CATSPERT: variants seen among roughly 807,000 people sequenced by gnomAD.
The protein encoded by CATSPERT is catsper channel auxiliary subunit tau.
the CATSPERT span, among the ~76,000 whole-genome samples, chr2:201,573,289 C>A: frequency 7.4e-4 from 112 of 152,270 alleles, no homozygotes; most frequent in Non-Finnish European, 1.5e-3. Flanking sequence ...AGGAGGAAGT[C>A]AAAATTAGGA....
chr2:201,609,223 A>G, the CATSPERT span, among the ~76,000 whole-genome samples: 2 of 152,188 alleles, frequency 1.3e-5, no homozygotes, highest in African/African-American at 4.8e-5. Flanking sequence ...GGAAGGATAG[A>G]CTCCAATACA....
chr2:201,488,206 GCTAGAAAC>G, the CATSPERT span, among the ~76,000 whole-genome samples: 1 of 152,304 alleles, frequency 6.6e-6, no homozygotes, highest in South Asian at 2.1e-4. Context: ...TTGAAGATAA[GCTAGAAAC>G]CTGAAAAACT....
chr2:201,603,390 CTCATTTGAAATATT>C, the CATSPERT span: 6 of 809,456 alleles, frequency 7.4e-6, no homozygotes, highest in Non-Finnish European at 1.1e-5. Flanking sequence ...GTTGGTTTTT[CTCATTTGAAATATT>C]GTTTCTCATG....
the CATSPERT span, among the ~76,000 whole-genome samples, chr2:201,615,078 G>A: frequency 6.6e-6 from 1 of 152,256 alleles, no homozygotes; most frequent in Non-Finnish European, 1.5e-5. Flanking sequence ...GACCTACAAA[G>A]AGACTTAGAC....
the CATSPERT span, chr2:201,536,283 G>A: frequency 1.2e-6 from 2 of 1,611,486 alleles, no homozygotes; most frequent in Non-Finnish European, 1.7e-6. Context: ...GTTCAAAGTT[G>A]GTATAGTCAG....
At chr2:201,504,732 G>A in the CATSPERT span, among the ~76,000 whole-genome samples, 2 of 152,166 alleles carry the variant, frequency 1.3e-5, no homozygotes, top group African/African-American at 2.4e-5. Flanking sequence ...GTGGTGGTAT[G>A]CAAAATTTGC....
At chr2:201,589,111 C>CA in the CATSPERT span, among the ~76,000 whole-genome samples, 712 of 151,922 alleles carry the variant, frequency 4.7e-3, 6 homozygotes, top group African/African-American at 0.016. Context: ...AGGGATGACA[C>CA]AACAAATGGT....
the CATSPERT span, among the ~76,000 whole-genome samples, chr2:201,570,194 A>T: frequency 6.6e-6 from 1 of 152,076 alleles, no homozygotes; most frequent in Non-Finnish European, 1.5e-5. Flanking sequence ...AAATAAAAAT[A>T]ATCTCTGTTT....
chr2:201,562,404 GTC>G, the CATSPERT span, among the ~76,000 whole-genome samples: 1 of 150,454 alleles, frequency 6.6e-6, no homozygotes, highest in East Asian at 2.0e-4. Context: ...AACCAGGATG[GTC>G]TCAATCTCCT....
At chr2:201,576,418 C>T in the CATSPERT span, among the ~76,000 whole-genome samples, 1 of 152,188 alleles carries the variant, frequency 6.6e-6, no homozygotes, top group African/African-American at 2.4e-5. Context: ...AAGAACTTGA[C>T]TTCTGCCACT....
the CATSPERT span, among the ~76,000 whole-genome samples, chr2:201,506,844 C>T: frequency 7.2e-4 from 110 of 152,338 alleles, no homozygotes; most frequent in African/African-American, 2.4e-3. Context: ...TGAGCCACCG[C>T]GCCCAGCCCA....
chr2:201,567,593 G>C, the CATSPERT span, among the ~76,000 whole-genome samples: 1 of 151,960 alleles, frequency 6.6e-6, no homozygotes, highest in East Asian at 1.9e-4. Flanking sequence ...CAGAAGAGCT[G>C]ATGTTTCAGT....
chr2:201,590,076 C>T, the CATSPERT span, among the ~76,000 whole-genome samples: 2 of 151,962 alleles, frequency 1.3e-5, no homozygotes, highest in African/African-American at 2.4e-5. Flanking sequence ...TGCTGGTGCA[C>T]TGCACCCAAT....
chr2:201,604,153 G>C, the CATSPERT span, among the ~76,000 whole-genome samples: 1 of 151,656 alleles, frequency 6.6e-6, no homozygotes, highest in East Asian at 1.9e-4. Context: ...GTATGTGTGT[G>C]TGTGTGTGTG....
At chr2:201,570,900 T>C in the CATSPERT span, among the ~76,000 whole-genome samples, 2 of 152,220 alleles carry the variant, frequency 1.3e-5, no homozygotes. Flanking sequence ...CTTTCTTTTG[T>C]GGAGCCTTAC....
the CATSPERT span, among the ~76,000 whole-genome samples, chr2:201,588,845 T>C: frequency 6.6e-6 from 1 of 152,118 alleles, no homozygotes; most frequent in Non-Finnish European, 1.5e-5. Flanking sequence ...GACATAATCC[T>C]ACATCTACAA....
chr2:201,557,607 A>G, the CATSPERT span: 1 of 152,132 alleles, frequency 6.6e-6, no homozygotes. Flanking sequence ...TCTCAGACCT[A>G]CTCCATTCCA....
At chr2:201,518,635 C>T in the CATSPERT span, among the ~76,000 whole-genome samples, 4 of 152,302 alleles carry the variant, frequency 2.6e-5, no homozygotes, top group East Asian at 3.9e-4. Flanking sequence ...TACCAAGAGT[C>T]AGCTGTCTGT....
chr2:201,548,135 T>C, the CATSPERT span, among the ~76,000 whole-genome samples: 1 of 152,144 alleles, frequency 6.6e-6, no homozygotes, highest in Non-Finnish European at 1.5e-5. Context: ...TGTGCCACGT[T>C]GGTTTGCTGC....
Sources: allele counts gnomAD v4.1 joint callset (sites outside exome capture counted in the v4.1 genomes callset), GRCh38; gene constraint gnomAD v4.1.1; transcripts MANE v1.5; gene names NCBI Gene and HGNC (gene_info 2026-07-23, HGNC 2026-07-21).